ARID5B: variants seen among roughly 807,000 people sequenced by gnomAD.
ARID5B encodes the protein AT-rich interaction domain 5B.
ARID5B carries 13 observed loss-of-function variants against 97.2 expected under a neutral mutation model. The ratio of observed to expected loss-of-function variants is 0.13; its 90% CI spans 0.09 to 0.21. The LOEUF (loss-of-function observed/expected upper bound fraction) is 0.21, where lower values mean the gene tolerates loss of function less well. ARID5B is among the 10% of genes least tolerant of loss of function. The pLI, the probability that ARID5B is intolerant of heterozygous loss-of-function variation, is 1.00. For synonymous variants in ARID5B, 556 were observed against 570.3 expected, an observed-to-expected ratio of 0.97 and a Z score of 0.36; for missense variants, 1,210 against 1,465.3, an observed-to-expected ratio of 0.83 and a Z score of 2.84.
intron 3 of ARID5B, among the ~76,000 whole-genome samples, chr10:61,946,895 T>A (rs1275337049): frequency 6.6e-6 from 1 of 152,126 alleles, no homozygotes; most frequent in Admixed American, 6.5e-5. Flanking sequence ...CACCCCAGCC[T>A]GGGCAACAGA....
At chr10:61,955,528 A>G (rs1838380167) in intron 3 of ARID5B, among the ~76,000 whole-genome samples, 1 of 152,262 alleles carries the variant, frequency 6.6e-6, no homozygotes, top group Non-Finnish European at 1.5e-5. Context: ...AATGATGTAT[A>G]TCATAGGATA....
chr10:61,987,820 G>A (rs993593827), intron 3 of ARID5B, among the ~76,000 whole-genome samples: 1 of 152,234 alleles, frequency 6.6e-6, no homozygotes, highest in Non-Finnish European at 1.5e-5. Flanking sequence ...ACAGGGATCT[G>A]TAGCACTGGT....
At position 62,094,653 on chromosome 10, in the gene ARID5B, A is replaced by G. The variant is rs1451515833; in HGVS notation, c.*1623A>G. On this transcript the variant is annotated 3_prime_UTR_variant, in exon 10 of 10. Transcript: ENST00000279873. ...ATTCCATTTGCTACCGAGATATAAC[A>G]TTAAGGTGGACACATTTTCTAACTG... is the stretch of plus-strand genomic sequence containing the variant. The G allele has an allele frequency of 8.7e-6, 2 of 230,892 alleles. No individual in the cohort carries two copies. Among genetic ancestry groups the G allele is most frequent in the East Asian group, 1.2e-4 (2 of 16,296 alleles). The allele number at this position is 230,892 out of a possible 1,614,324, so 14.3% of individuals were successfully genotyped here.
chr10:61,998,014 C>T (rs570904460), intron 3 of ARID5B, among the ~76,000 whole-genome samples: 1 of 152,226 alleles, frequency 6.6e-6, no homozygotes, highest in East Asian at 1.9e-4. Flanking sequence ...AACATATTTC[C>T]TTTTAATTAA....
At chr10:61,931,797 A>G (rs1325150682) in intron 2 of ARID5B, among the ~76,000 whole-genome samples, 1 of 152,322 alleles carries the variant, frequency 6.6e-6, no homozygotes, top group East Asian at 1.9e-4. Flanking sequence ...TACCACATAC[A>G]TATTAGGATA....
At chr10:61,951,974 C>T (rs1838329873) in intron 3 of ARID5B, among the ~76,000 whole-genome samples, 1 of 152,006 alleles carries the variant, frequency 6.6e-6, no homozygotes, top group Admixed American at 6.5e-5. Context: ...TCAGCTCTTT[C>T]TGATTCCCAC....
chr10:62,000,758 C>A lies in ARID5B; in HGVS notation c.733+437C>A, dbSNP rs569693587. On this transcript the variant is annotated intron_variant, in intron 4 of 9. Coordinates refer to ENST00000279873, the MANE Select transcript of ARID5B (RefSeq NM_032199.3). The surrounding 1 kb of genome is among the most constrained non-coding windows in gnomAD (Gnocchi z 4.4). ...AATAGATAAATAGATAGAAAGAAAA[C>A]AACTTCAGTACTGTATGGTGGATAA... is the stretch of plus-strand genomic sequence containing the variant. 6.6e-6 allele frequency among the ~76,000 whole-genome samples: 1 copy of A among 152,062 alleles called. No homozygotes were observed. Among genetic ancestry groups the A allele is most frequent in the East Asian group, 1.9e-4 (1 of 5,174 alleles).
chr10:62,008,683 A>G (rs1839178020), intron 4 of ARID5B, among the ~76,000 whole-genome samples: 1 of 152,220 alleles, frequency 6.6e-6, no homozygotes, highest in South Asian at 2.1e-4. Context: ...CCCCAGCCAG[A>G]GCGGCCATTT....
intron 3 of ARID5B, among the ~76,000 whole-genome samples, chr10:61,973,853 G>A (rs761098186): frequency 9.9e-5 from 15 of 152,120 alleles, no homozygotes; most frequent in South Asian, 4.1e-4. Flanking sequence ...CAAATAGTTT[G>A]AAGATGTAAG....
chr10:61,961,212 G>A (rs1210969306), intron 3 of ARID5B, among the ~76,000 whole-genome samples: 1 of 152,110 alleles, frequency 6.6e-6, no homozygotes, highest in South Asian at 2.1e-4. Context: ...AGAACTTTAA[G>A]TAGGAAATTT....
intron 4 of ARID5B, among the ~76,000 whole-genome samples, chr10:62,023,302 C>A (rs1255788088): frequency 2.0e-5 from 3 of 152,192 alleles, no homozygotes; most frequent in Non-Finnish European, 4.4e-5. Context: ...AGGCACTCTT[C>A]CCCATATTGC....
intron 4 of ARID5B, among the ~76,000 whole-genome samples, chr10:62,014,455 T>C (rs1372698227): frequency 6.6e-6 from 1 of 152,154 alleles, no homozygotes; most frequent in Non-Finnish European, 1.5e-5. Context: ...AGGGGGTATG[T>C]TCCTTGGGTA....
chr10:61,928,540 A>T (rs977501788), intron 2 of ARID5B, among the ~76,000 whole-genome samples: 1 of 151,890 alleles, frequency 6.6e-6, no homozygotes, highest in Non-Finnish European at 1.5e-5. Context: ...CAATCCACCC[A>T]CCTTGGCCTC....
At chr10:61,911,645 G>T (rs553191904) in intron 2 of ARID5B, among the ~76,000 whole-genome samples, 3 of 152,198 alleles carry the variant, frequency 2.0e-5, no homozygotes, top group Admixed American at 2.0e-4. Context: ...TGCACTGCAC[G>T]AGCGGCACCC....
At chr10:61,978,815 A>G (rs1838736904) in intron 3 of ARID5B, among the ~76,000 whole-genome samples, 1 of 152,196 alleles carries the variant, frequency 6.6e-6, no homozygotes, top group South Asian at 2.1e-4. Flanking sequence ...AACGGGGACA[A>G]TTTGACTTCC....
intron 3 of ARID5B, among the ~76,000 whole-genome samples, chr10:61,944,242 A>T (rs921780193): frequency 3.9e-5 from 6 of 152,212 alleles, no homozygotes; most frequent in African/African-American, 1.4e-4. Context: ...TATTATTCAT[A>T]AGCATAATGA....
chr10:61,964,954 G>T (rs78450818), intron 3 of ARID5B, among the ~76,000 whole-genome samples: 1 of 152,210 alleles, frequency 6.6e-6, no homozygotes, highest in Admixed American at 6.6e-5. Context: ...TTATGCTGCC[G>T]CTAATGCCCA....
chr10:62,053,439 T>C (rs1052341042), intron 5 of ARID5B, among the ~76,000 whole-genome samples: 4 of 152,178 alleles, frequency 2.6e-5, no homozygotes, highest in Admixed American at 2.0e-4. Context: ...TGCAAGACCA[T>C]GTTTTCCAAC....
intron 2 of ARID5B, among the ~76,000 whole-genome samples, chr10:61,915,038 T>C (rs1259618711): frequency 6.6e-6 from 1 of 152,266 alleles, no homozygotes; most frequent in Non-Finnish European, 1.5e-5. Context: ...TGAGTCTTTA[T>C]GAAAGCTTCT....
Sources: allele counts gnomAD v4.1 joint callset (sites outside exome capture counted in the v4.1 genomes callset), GRCh38; gene constraint gnomAD v4.1.1; non-coding constraint Gnocchi (gnomAD v3.1); transcripts MANE v1.5; gene names NCBI Gene and HGNC (gene_info 2026-07-23, HGNC 2026-07-21).